The following TM4SF4 variants were observed in gnomAD, a reference collection of about 807,000 sequenced individuals.
TM4SF4 encodes the protein transmembrane 4 L6 family member 4.
TM4SF4 carries 24 observed loss-of-function variants against 24.1 expected under a neutral mutation model. The ratio of observed to expected loss-of-function variants is 1.00; its 90% CI spans 0.72 to 1.40. The LOEUF is 1.40. Ranked by LOEUF, TM4SF4 falls within the 40% of genes most tolerant of loss-of-function variation. The pLI is 0.00. For synonymous variants in TM4SF4, 113 were observed against 97.0 expected (o/e 1.17, Z -0.97); for missense variants, 254 against 254.2 (o/e 1.00, Z 0.01).
intron 3 of TM4SF4, among the ~76,000 whole-genome samples, chr3:149,491,148 AT>A (rs957065900): frequency 8.2e-4 from 121 of 147,760 alleles, no homozygotes; most frequent in African/African-American, 2.2e-3. Context: ...TAGTAAAAGG[AT>A]TTTTTTTTTT....
intron 3 of TM4SF4, chr3:149,494,579 T>TG (rs1479967207): frequency 8.1e-6 from 1 of 124,138 alleles, no homozygotes; most frequent in East Asian, 2.4e-4. Context: ...TGTTTCATGT[T>TG]GGAAAAAAAA....
At chr3:149,497,883 G>A (rs970351780) in intron 3 of TM4SF4, among the ~76,000 whole-genome samples, 1 of 152,098 alleles carries the variant, frequency 6.6e-6, no homozygotes, top group South Asian at 2.1e-4. Flanking sequence ...GACTTCAGGT[G>A]ATCTGCCCAC....
At chr3:149,501,958 C>T (rs1734435371) in intron 4 of TM4SF4, among the ~76,000 whole-genome samples, 1 of 152,160 alleles carries the variant, frequency 6.6e-6, no homozygotes, top group Non-Finnish European at 1.5e-5. Context: ...CTCAACTGCT[C>T]CTTGTCTGTA....
At chr3:149,499,919 T>G (rs368357898) in intron 4 of TM4SF4, among the ~76,000 whole-genome samples, 1 of 152,128 alleles carries the variant, frequency 6.6e-6, no homozygotes, top group East Asian at 1.9e-4. Flanking sequence ...AAGCATTACA[T>G]GTATATAACT....
At chr3:149,477,867 G>A (rs1358296096) in intron 2 of TM4SF4, among the ~76,000 whole-genome samples, 3 of 152,084 alleles carry the variant, frequency 2.0e-5, no homozygotes, top group Admixed American at 6.5e-5. Flanking sequence ...AGTTGGAGAT[G>A]AGGATTTTTT....
chr3:149,493,098 A>G (rs548333718), intron 3 of TM4SF4, among the ~76,000 whole-genome samples: 1 of 152,336 alleles, frequency 6.6e-6, no homozygotes, highest in South Asian at 2.1e-4. Context: ...CACAGTTCCT[A>G]CCACATACTT....
intron 3 of TM4SF4, among the ~76,000 whole-genome samples, chr3:149,491,936 C>T (rs540233275): frequency 1.8e-4 from 27 of 152,228 alleles, no homozygotes; most frequent in South Asian, 6.2e-4. Context: ...GGCCGCCACA[C>T]GATGTGGTGA....
At chr3:149,494,333 C>T (rs1445772918) in intron 3 of TM4SF4, among the ~76,000 whole-genome samples, 2 of 152,182 alleles carry the variant, frequency 1.3e-5, no homozygotes, top group Non-Finnish European at 1.5e-5. Context: ...CTTGCTTCTA[C>T]GTTCGCCGTA....
chr3:149,490,491 G>C (rs1204329190), intron 3 of TM4SF4, among the ~76,000 whole-genome samples: 1 of 152,198 alleles, frequency 6.6e-6, no homozygotes, highest in African/African-American at 2.4e-5. Context: ...GGCCCAGAGA[G>C]GACAAGTGGC....
At chr3:149,479,366 CTT>C (rs62958360) in intron 2 of TM4SF4, among the ~76,000 whole-genome samples, 12 of 139,226 alleles carry the variant, frequency 8.6e-5, no homozygotes, top group African/African-American at 1.6e-4. Flanking sequence ...CTTTTCTTTT[CTT>C]TTTTTTTTTT....
chr3:149,491,413 C>T (rs1214517355), intron 3 of TM4SF4, among the ~76,000 whole-genome samples: 1 of 151,924 alleles, frequency 6.6e-6, no homozygotes, highest in Non-Finnish European at 1.5e-5. Context: ...CTGCAGTAAG[C>T]CATAATCATG....
Position 149,474,712 on chromosome 3 carries a change from A to G in TM4SF4, c.-166A>G, listed in dbSNP as rs1432744999. 3.2e-6 allele frequency: 2 copies of G among 618,434 alleles called. No homozygotes were observed. Among genetic ancestry groups the G allele is most frequent in the African/African-American group, 3.8e-5 (2 of 53,056 alleles). The allele number at this position is 618,434 out of a possible 1,614,324, so 38.3% of individuals were successfully genotyped here. A position where few individuals can be genotyped will look rare whatever the true frequency, so the allele number is the denominator to read the frequency against. Reference sequence around the variant, plus strand: ...AGGTTCTGCTATTTTTGAGAAGCTGAAGCAACTCCAAGGACACAGTTCACA... The same window carrying G: ...AGGTTCTGCTATTTTTGAGAAGCTGGAGCAACTCCAAGGACACAGTTCACA... On this transcript the variant is annotated 5_prime_UTR_variant, in exon 1 of 5. Transcript: ENST00000305354.
chr3:149,503,007 C>G lies in TM4SF4; in HGVS notation c.*314C>G, dbSNP rs1485190665. The G allele has an allele frequency of 1.1e-5, 3 of 273,664 alleles. No individual in the cohort carries two copies. The East Asian group carries it at 2.4e-4, about 22-fold the overall frequency. The allele number at this position is 273,664 out of a possible 1,614,324, so 17.0% of individuals were successfully genotyped here. A position where few individuals can be genotyped will look rare whatever the true frequency, so the allele number is the denominator to read the frequency against. On this transcript the variant is annotated 3_prime_UTR_variant, in exon 5 of 5. Transcript: ENST00000305354. ...TACAAATGTAAAATGTATAAAGTCA[C>G]ATGTACTGCCATACTACTTCTTTGT...
At chr3:149,480,865 T>G (rs1312066286) in intron 2 of TM4SF4, among the ~76,000 whole-genome samples, 1 of 152,134 alleles carries the variant, frequency 6.6e-6, no homozygotes, top group East Asian at 1.9e-4. Context: ...TTTTATTTAT[T>G]TATATTTTGA....
chr3:149,491,361 G>A (rs1033575113), intron 3 of TM4SF4, among the ~76,000 whole-genome samples: 1 of 151,444 alleles, frequency 6.6e-6, no homozygotes, highest in African/African-American at 2.4e-5. Context: ...GCTACTCCAG[G>A]TGCCTGATGT....
intron 2 of TM4SF4, among the ~76,000 whole-genome samples, chr3:149,485,021 G>A (rs1337887251): frequency 6.6e-6 from 1 of 152,144 alleles, no homozygotes; most frequent in South Asian, 2.1e-4. Context: ...TCTGACTGAT[G>A]TCTTCTCTAG....
chr3:149,476,785 CTTTTCTGTTT>C (rs1733935992), intron 2 of TM4SF4, among the ~76,000 whole-genome samples: 2 of 139,730 alleles, frequency 1.4e-5, no homozygotes, highest in African/African-American at 2.6e-5. Context: ...TTTCTTTTTT[CTTTTCTGTTT>C]TTTTTTGTTT....
In TM4SF4 at chr3:149,502,931, T is replaced by G; in HGVS notation, c.*238T>G. 2.2e-6 allele frequency: 1 copy of G among 452,600 alleles called. No individual in the cohort carries two copies. Among genetic ancestry groups the G allele is most frequent in the South Asian group, 3.8e-5 (1 of 26,178 alleles). 28.0% of individuals were successfully genotyped at this position (452,600 alleles called of 1,614,324 possible). On this transcript the variant is annotated 3_prime_UTR_variant, in exon 5 of 5. Transcript: ENST00000305354. Reference sequence around the variant, plus strand: ...TTTATAAATCTTTCAAATTAGTTCCTTTTTAGAATTTACCAACAGGTTCAA... The same window carrying G: ...TTTATAAATCTTTCAAATTAGTTCCGTTTTAGAATTTACCAACAGGTTCAA...
At position 149,475,701 on chromosome 3, in the gene TM4SF4, T is replaced by C. The variant is rs886732631; in HGVS notation, c.175-122T>C. On this transcript the variant is annotated intron_variant, in intron 1 of 4. Transcript: ENST00000305354. Reference sequence around the variant, plus strand: ...TACCCCTCCAGCCATGCTCTGTTACTTTGCCATTCCCTTTGGGCCTCCAAA... The same window carrying C: ...TACCCCTCCAGCCATGCTCTGTTACCTTGCCATTCCCTTTGGGCCTCCAAA... 6.4e-6 allele frequency: 5 copies of C among 776,042 alleles called. No homozygotes were observed. The Admixed American group carries it at 1.1e-4, about 17-fold the overall frequency. 48.1% of individuals were successfully genotyped at this position (776,042 alleles called of 1,614,324 possible). A position where few individuals can be genotyped will look rare whatever the true frequency, so the allele number is the denominator to read the frequency against.
Sources: gnomAD v4.1 joint callset for allele counts (sites outside exome capture counted in the v4.1 genomes callset) on GRCh38, gnomAD v4.1.1 for gene constraint, MANE v1.5 for transcripts, NCBI Gene and HGNC (gene_info 2026-07-23, HGNC 2026-07-21) for gene names.